COPG2: variants seen among roughly 807,000 people sequenced by gnomAD.
COPG2 encodes coat protein complex I subunit gamma 2.
COPG2 carries 37 observed loss-of-function variants against 46.3 expected under a neutral mutation model. The ratio of observed to expected loss-of-function variants is 0.80; its 90% confidence interval spans 0.61 to 1.05. The LOEUF is 1.05. Ranked by LOEUF, COPG2 falls within the 50% of genes least tolerant of loss-of-function variation. COPG2 has a pLI of 0.00. For synonymous variants in COPG2, 159 were observed against 129.7 expected (o/e 1.23, Z -1.53); for missense variants, 427 against 387.8 (o/e 1.10, Z -0.85).
intron 5 of COPG2, among the ~76,000 whole-genome samples, chr7:130,641,175 C>CAAAAAAAAAAA (rs34617870): frequency 3.4e-5 from 3 of 87,920 alleles, no homozygotes; most frequent in Admixed American, 1.3e-4. Flanking sequence ...CCCTACCTCT[C>CAAAAAAAAAAA]AAAAAAAAAA....
chr7:130,638,104 C>G (rs547518366), intron 5 of COPG2, among the ~76,000 whole-genome samples: 1 of 152,274 alleles, frequency 6.6e-6, no homozygotes, highest in East Asian at 1.9e-4. Context: ...GAAGCTTTGT[C>G]CCAGAGGGGC....
Position 130,635,485 on chromosome 7 carries a change from A to G in COPG2, c.323+17384T>C, listed in dbSNP as rs1795318327. The stretch of plus-strand genomic sequence containing the variant: ...TTTATCCATTTCTTCTAGGTTTTCT[A>G]GTTTATTTGCATAGAGGTGTTTATA... On this transcript the variant is annotated intron_variant, in intron 5 of 23. Coordinates refer to ENST00000425248, the MANE Select transcript of COPG2 (RefSeq NM_012133.6). Among the ~76,000 whole-genome samples, 3 of 152,074 alleles carry G rather than the reference A, an allele frequency of 2.0e-5. No individual in the cohort carries two copies. In the South Asian group the frequency reaches 6.2e-4, roughly 32 times the overall value.
intron 9 of COPG2, among the ~76,000 whole-genome samples, chr7:130,592,858 C>T (rs1013838687): frequency 8.5e-5 from 13 of 152,218 alleles, no homozygotes; most frequent in African/African-American, 3.1e-4. Flanking sequence ...CATTATGCTG[C>T]TCTTGTATCC....
At chr7:130,538,897 A>G (rs898202434) in intron 20 of COPG2, among the ~76,000 whole-genome samples, 6 of 152,144 alleles carry the variant, frequency 3.9e-5, no homozygotes, top group African/African-American at 1.4e-4. Flanking sequence ...TGAAGTAGGA[A>G]GCGGGGGCCT....
intron 20 of COPG2, chr7:130,511,319 T>C: frequency 2.3e-6 from 1 of 437,312 alleles, no homozygotes; most frequent in South Asian, 1.7e-5. Flanking sequence ...GCAAAAGAGA[T>C]GGATCTGTAC....
At chr7:130,600,315 T>C (rs1358463538) in intron 9 of COPG2, among the ~76,000 whole-genome samples, 1 of 152,138 alleles carries the variant, frequency 6.6e-6, no homozygotes, top group Non-Finnish European at 1.5e-5. Flanking sequence ...GGCTGGAGTG[T>C]TGTGGCACAA....
intron 9 of COPG2, among the ~76,000 whole-genome samples, chr7:130,600,260 T>TTTTA (rs1177593788): frequency 3.1e-4 from 47 of 152,256 alleles, no homozygotes; most frequent in Middle Eastern, 3.4e-3. Flanking sequence ...ATTTTGTCAT[T>TTTTA]TTTATTTATT....
intron 9 of COPG2, among the ~76,000 whole-genome samples, chr7:130,569,838 T>C (rs1403020783): frequency 6.6e-6 from 1 of 152,132 alleles, no homozygotes; most frequent in African/African-American, 2.4e-5. Context: ...TTCAACAGCA[T>C]ATCAAAAAGA....
At chr7:130,634,891 C>T (rs1403554433) in intron 5 of COPG2, among the ~76,000 whole-genome samples, 1 of 151,666 alleles carries the variant, frequency 6.6e-6, no homozygotes, top group Non-Finnish European at 1.5e-5. Flanking sequence ...TCCATCAACA[C>T]CTAGTTTTTT....
intron 20 of COPG2, among the ~76,000 whole-genome samples, chr7:130,529,774 T>A (rs1020653012): frequency 3.9e-4 from 60 of 152,286 alleles, no homozygotes; most frequent in African/African-American, 1.3e-3. Context: ...AGCAGACTGA[T>A]CCCAGATTGT....
At chr7:130,651,837 G>A (rs1554459167) in intron 5 of COPG2, among the ~76,000 whole-genome samples, 1 of 151,846 alleles carries the variant, frequency 6.6e-6, no homozygotes, top group South Asian at 2.1e-4. Flanking sequence ...ATTTTTAGTA[G>A]AGAAGGAGTT....
chr7:130,590,978 G>A (rs1244405661), intron 9 of COPG2, among the ~76,000 whole-genome samples: 9 of 148,950 alleles, frequency 6.0e-5, no homozygotes, highest in African/African-American at 1.2e-4. Flanking sequence ...CCCTCCGCCC[G>A]GCAGCCACCC....
intron 17 of COPG2, among the ~76,000 whole-genome samples, chr7:130,550,305 G>A (rs1793516823): frequency 6.7e-6 from 1 of 149,848 alleles, no homozygotes; most frequent in Admixed American, 6.8e-5. Flanking sequence ...CAGCTACTCG[G>A]AAGGCTGAGG....
intron 9 of COPG2, among the ~76,000 whole-genome samples, chr7:130,579,914 C>G (rs1354060346): frequency 6.6e-6 from 1 of 152,058 alleles, no homozygotes; most frequent in Non-Finnish European, 1.5e-5. Flanking sequence ...TAACACCCCA[C>G]TGTCAACATT....
At chr7:130,638,988 C>T (rs997607522) in intron 5 of COPG2, among the ~76,000 whole-genome samples, 11 of 152,148 alleles carry the variant, frequency 7.2e-5, no homozygotes, top group African/African-American at 2.7e-4. Context: ...GGAGGGAGTT[C>T]CCCAACCCCT....
At chr7:130,609,264 G>A (rs1764853598) in intron 9 of COPG2, among the ~76,000 whole-genome samples, 1 of 152,172 alleles carries the variant, frequency 6.6e-6, no homozygotes. Flanking sequence ...ATTTCCATGT[G>A]TTATGGGAGG....
intron 5 of COPG2, among the ~76,000 whole-genome samples, chr7:130,646,908 G>A (rs370930719): frequency 1.2e-3 from 158 of 135,172 alleles, no homozygotes; most frequent in African/African-American, 3.7e-3. Flanking sequence ...ACCCAGTCTC[G>A]GATAGTGTGT....
intron 20 of COPG2, among the ~76,000 whole-genome samples, chr7:130,514,637 T>C (rs1173341085): frequency 7.2e-5 from 11 of 151,962 alleles, no homozygotes; most frequent in Admixed American, 7.2e-4. Flanking sequence ...TAGGGCAAGA[T>C]AGGTAACAAG....
intron 5 of COPG2, among the ~76,000 whole-genome samples, chr7:130,642,189 A>T (rs1795504865): frequency 6.6e-6 from 1 of 152,022 alleles, no homozygotes; most frequent in Admixed American, 6.5e-5. Context: ...AATGAGTAGA[A>T]CAGTAAAATC....
Sources: allele counts gnomAD v4.1 joint callset (sites outside exome capture counted in the v4.1 genomes callset), GRCh38; gene constraint gnomAD v4.1.1; transcripts MANE v1.5; gene names NCBI Gene and HGNC (gene_info 2026-07-23, HGNC 2026-07-21).